Variants in DSG2 observed in about 807,000 individuals in gnomAD.
DSG2 encodes the protein desmoglein 2.
In DSG2, 45 loss-of-function variants were observed where a neutral mutation model predicts 75.6. The observed-to-expected ratio is 0.60, with a 90% CI of 0.47 to 0.76. DSG2 has a LOEUF of 0.76. DSG2 is among the 30% of genes least tolerant of loss of function. DSG2 has a pLI of 0.00. For missense variants in DSG2, 1,267 were observed against 1,357.4 expected, an observed-to-expected ratio of 0.93 and a Z score of 1.05; for synonymous variants, 429 against 483.9, an observed-to-expected ratio of 0.89 and a Z score of 1.49.
intron 1 of DSG2, among the ~76,000 whole-genome samples, chr18:31,514,578 A>G (rs1335681564): frequency 6.6e-6 from 1 of 152,220 alleles, no homozygotes; most frequent in Non-Finnish European, 1.5e-5. Context: ...CAAACAAATG[A>G]TATTTCATGT....
At chr18:31,509,686 C>T (rs889895031) in intron 1 of DSG2, among the ~76,000 whole-genome samples, 17 of 152,144 alleles carry the variant, frequency 1.1e-4, no homozygotes, top group Non-Finnish European at 1.2e-4. Context: ...ATCTGACCCA[C>T]GTCAGATTTA....
In DSG2 at chr18:31,531,222, A is replaced by T. The variant is rs1192016851; in HGVS notation, c.1250A>T (p.Asp417Val). The change falls in exon 9 of 15, where the codon GAT becomes GTT. Residue 417 changes from aspartate (D) to valine (V), a missense_variant. By Grantham distance (152) the Asp-to-Val change is radical. Coordinates refer to ENST00000261590, the MANE Select transcript of DSG2 (RefSeq NM_001943.5). ...GQIIGNFQAF[D>V]EDTGLPAHAR... The stretch of plus-strand genomic sequence containing the variant: ...ATAATTGGAAATTTTCAAGCTTTTG[A>T]TGAGGACACTGGACTACCAGCCCAT... The T allele has an allele frequency of 6.2e-7, 1 of 1,614,082 alleles. No individual in the cohort carries two copies. Among genetic ancestry groups the T allele is most frequent in the Non-Finnish European group, 8.5e-7 (1 of 1,180,026 alleles).
chr18:31,542,068 A>C (rs2073271660), intron 13 of DSG2: 1 of 225,686 alleles, frequency 4.4e-6, no homozygotes, highest in Non-Finnish European at 8.8e-6. Flanking sequence ...CACTTCCCGG[A>C]ACTTGTGTAC....
chr18:31,522,291 C>G lies in DSG2; in HGVS notation c.690+42C>G, dbSNP rs778485965. The G allele has an allele frequency of 5.1e-6, 8 of 1,563,736 alleles. No individual in the cohort carries two copies. In the South Asian group the frequency reaches 7.8e-5, roughly 15 times the overall value. On this transcript the variant is annotated intron_variant, in intron 6 of 14. Transcript: ENST00000261590. ...TGTTGCCCATCTTTAAACTCTCTAT[C>G]CTTTCCAGTTTCTCCTCTCTTTTTC...
intron 1 of DSG2, among the ~76,000 whole-genome samples, chr18:31,517,418 A>C (rs527864964): frequency 6.6e-6 from 1 of 152,226 alleles, no homozygotes; most frequent in Non-Finnish European, 1.5e-5. Context: ...TATACATATC[A>C]AAGCAGCTAG....
At chr18:31,507,670 A>G (rs1242209127) in intron 1 of DSG2, among the ~76,000 whole-genome samples, 1 of 152,136 alleles carries the variant, frequency 6.6e-6, no homozygotes, top group African/African-American at 2.4e-5. Context: ...GCATTCCCCT[A>G]ATGACCAGTG....
intron 1 of DSG2, among the ~76,000 whole-genome samples, chr18:31,500,669 G>A (rs555832052): frequency 2.7e-4 from 41 of 152,190 alleles, no homozygotes; most frequent in African/African-American, 9.2e-4. Flanking sequence ...ATGGTCTTTC[G>A]CTTTCCTCAG....
chr18:31,540,344 A>G (rs2073258281), intron 12 of DSG2, among the ~76,000 whole-genome samples: 1 of 152,232 alleles, frequency 6.6e-6, no homozygotes, highest in South Asian at 2.1e-4. Flanking sequence ...TGCTATGGCT[A>G]CATATACAGA....
At chr18:31,503,415 C>G (rs1203023906) in intron 1 of DSG2, among the ~76,000 whole-genome samples, 1 of 152,114 alleles carries the variant, frequency 6.6e-6, no homozygotes, top group Non-Finnish European at 1.5e-5. Flanking sequence ...TCTAAAAGGC[C>G]TGAAAATGAT....
In DSG2 at chr18:31,522,140, C is replaced by T. The variant is rs374875442; in HGVS notation, c.581C>T (p.Ser194Leu). ...TDADEPNTLNSKISYRIVSLE... is the reference protein window; with the variant it reads ...TDADEPNTLNLKISYRIVSLE... ...GCAGATGAGCCCAATACCCTGAATT[C>T]GAAAATTTCCTATAGAATCGTATCT... The change falls in exon 6 of 15, where the codon TCG (serine) becomes TTG (leucine). Residue 194 changes from serine to leucine, a missense_variant. By Grantham distance (145) the Ser-to-Leu change is moderately radical (BLOSUM62 -2). Coordinates refer to ENST00000261590, the MANE Select transcript of DSG2 (RefSeq NM_001943.5). 9.3e-6 allele frequency: 15 copies of T among 1,613,684 alleles called. No homozygotes were observed. Among genetic ancestry groups the T allele is most frequent in the South Asian group, 8.8e-5 (8 of 91,062 alleles).
chr18:31,536,505 T>C (rs2144342190), intron 11 of DSG2, 76 bp downstream of exon 11: 1 of 1,391,966 alleles, frequency 7.2e-7, no homozygotes, highest in South Asian at 1.2e-5. Context: ...GTTGTATTTC[T>C]TCTCATAAAT....
At chr18:31,509,373 TTTA>T (rs2073054994) in intron 1 of DSG2, among the ~76,000 whole-genome samples, 1 of 152,194 alleles carries the variant, frequency 6.6e-6, no homozygotes, top group Admixed American at 6.5e-5. Context: ...ACTTAAAATA[TTTA>T]TTATTATCTA....
In DSG2 at chr18:31,545,979, A is replaced by C. The variant is rs866344768; in HGVS notation, c.2593A>C (p.Thr865Pro). The C allele has an allele frequency of 1.2e-6, 2 of 1,614,216 alleles. No homozygotes were observed. Among genetic ancestry groups the C allele is most frequent in the Middle Eastern group, 3.3e-4 (2 of 6,062 alleles). Residue 865 changes from threonine to proline, a missense_variant, in exon 15 of 15, where the codon ACA becomes CCA. Coordinates refer to ENST00000261590, the MANE Select transcript of DSG2 (RefSeq NM_001943.5). The part of the protein sequence containing the change: ...QKPATETSMN[T>P]ASHSLCEQTM... ...ACCTGCCACAGAAACAAGTATGAAC[A>C]CAGCTTCACATTCACTCTGTGAGCA...
At chr18:31,533,314 AT>A (rs539649135) in intron 9 of DSG2, among the ~76,000 whole-genome samples, 39 of 151,340 alleles carry the variant, frequency 2.6e-4, no homozygotes, top group African/African-American at 8.5e-4. Flanking sequence ...ACAAAAAAAA[AT>A]TTTTTTTTCA....
chr18:31,526,293 C>T (rs115127313), intron 8 of DSG2, among the ~76,000 whole-genome samples: 1,547 of 152,150 alleles, frequency 0.01, 16 homozygotes, highest in Middle Eastern at 0.044. Flanking sequence ...CCAGAAGTTT[C>T]GAAATTCTTA....
At chr18:31,545,184 C>G (rs947456068) in intron 14 of DSG2, among the ~76,000 whole-genome samples, 2 of 152,254 alleles carry the variant, frequency 1.3e-5, no homozygotes, top group Admixed American at 1.3e-4. Context: ...TGTGTACTAA[C>G]TTTTGATTTG....
intron 1 of DSG2, among the ~76,000 whole-genome samples, chr18:31,515,510 C>T (rs897186244): frequency 2.6e-5 from 4 of 152,148 alleles, no homozygotes; most frequent in Admixed American, 2.6e-4. Context: ...AAGGAACATG[C>T]AGAGAGAAGT....
Position 31,541,308 on chromosome 18 carries a change from A to G in DSG2, c.1995A>G (p.Glu665=), listed in dbSNP as rs2144350890. ...GGAATAATGAAGGAGCACCACCTGA[A>G]GACAAGGTCAGTGGATCAGATGTCA... ...HPWNNEGAPP[E]DKVVPSFLPV... The change falls in exon 13 of 15, where the codon GAA becomes GAG. Residue 665 remains glutamate, a synonymous_variant. Coordinates refer to ENST00000261590, the MANE Select transcript of DSG2 (RefSeq NM_001943.5). The G allele has an allele frequency of 8.7e-6, 14 of 1,614,070 alleles. No homozygotes were observed. Among genetic ancestry groups the G allele is most frequent in the Non-Finnish European group, 1.2e-5 (14 of 1,179,978 alleles).
intron 1 of DSG2, among the ~76,000 whole-genome samples, chr18:31,508,622 G>A (rs1009658212): frequency 6.6e-6 from 1 of 152,102 alleles, no homozygotes; most frequent in African/African-American, 2.4e-5. Context: ...TTGAACTCCT[G>A]ACCACAGGTG....
Sources: gnomAD v4.1 joint callset for allele counts (sites outside exome capture counted in the v4.1 genomes callset) on GRCh38, gnomAD v4.1.1 for gene constraint, MANE v1.5 for transcripts, NCBI Gene and HGNC (gene_info 2026-07-23, HGNC 2026-07-21) for gene names.